GRIK1: variants seen among roughly 807,000 people sequenced by gnomAD.
GRIK1 encodes the protein glutamate ionotropic receptor kainate type subunit 1.
Under a neutral mutation model 105.7 loss-of-function variants are expected in GRIK1, and 69 were observed. The observed-to-expected ratio is 0.65, with a 90% confidence interval of 0.54 to 0.80. GRIK1 has a LOEUF of 0.80. Ranked by LOEUF, GRIK1 falls within the 30% of genes least tolerant of loss-of-function variation. The probability of loss-of-function intolerance (pLI) is 0.00; values close to 1 mark genes in which losing one functional copy is unlikely to be tolerated. For synonymous variants in GRIK1, 438 were observed against 431.3 expected (o/e 1.02, Z -0.19); for missense variants, 1,109 against 1,167.3 (o/e 0.95, Z 0.73).
intron 1 of GRIK1, among the ~76,000 whole-genome samples, chr21:29,711,540 T>A (rs1032923126): frequency 6.6e-6 from 1 of 152,068 alleles, no homozygotes; most frequent in Admixed American, 6.6e-5. Flanking sequence ...GGAATCTGTT[T>A]GTCTTTTTGA....
chr21:29,817,864 G>A (rs75628025), intron 1 of GRIK1, among the ~76,000 whole-genome samples: 4,838 of 152,106 alleles, frequency 0.032, 127 homozygotes, highest in Middle Eastern at 0.071. Context: ...GAGAAAATAC[G>A]CTTAATGCAT....
At chr21:29,616,199 G>A (rs1375992355) in intron 7 of GRIK1, among the ~76,000 whole-genome samples, 1 of 152,146 alleles carries the variant, frequency 6.6e-6, no homozygotes, top group Admixed American at 6.5e-5. Flanking sequence ...ATGGAACAAA[G>A]TCTCCTTTTT....
intron 7 of GRIK1, among the ~76,000 whole-genome samples, chr21:29,601,923 A>G (rs1254085271): frequency 9.5e-6 from 1 of 105,204 alleles, no homozygotes; most frequent in Non-Finnish European, 1.9e-5. Context: ...TTTGTTCCAA[A>G]ACAAAATTTT....
At chr21:29,568,367 C>T (rs1283270069) in intron 14 of GRIK1, among the ~76,000 whole-genome samples, 2 of 152,162 alleles carry the variant, frequency 1.3e-5, no homozygotes, top group African/African-American at 4.8e-5. Context: ...TACAATGGCT[C>T]ATTGCTTCAT....
intron 7 of GRIK1, among the ~76,000 whole-genome samples, chr21:29,607,747 T>TTGGTTTCC (rs1191010852): frequency 6.6e-6 from 1 of 152,190 alleles, no homozygotes; most frequent in African/African-American, 2.4e-5. Context: ...AGATTTGTTT[T>TTGGTTTCC]TGGTTTCCTG....
chr21:29,780,253 C>A (rs151240712), intron 1 of GRIK1, among the ~76,000 whole-genome samples: 1 of 152,302 alleles, frequency 6.6e-6, no homozygotes, highest in South Asian at 2.1e-4. Flanking sequence ...GAACCACGTT[C>A]CCCTTTTCAG....
intron 10 of GRIK1, among the ~76,000 whole-genome samples, chr21:29,589,888 G>T (rs1209571255): frequency 6.6e-6 from 1 of 151,754 alleles, no homozygotes; most frequent in African/African-American, 2.4e-5. Flanking sequence ...TTTCCTTCAG[G>T]GTAGCCTATT....
At chr21:29,574,233 C>T (rs902816463) in intron 14 of GRIK1, among the ~76,000 whole-genome samples, 19 of 152,214 alleles carry the variant, frequency 1.2e-4, no homozygotes, top group African/African-American at 3.4e-4. Flanking sequence ...AAGGGATCCA[C>T]AGCCTGTGCA....
intron 1 of GRIK1, among the ~76,000 whole-genome samples, chr21:29,750,056 C>T (rs953889526): frequency 1.3e-5 from 2 of 151,562 alleles, no homozygotes; most frequent in Non-Finnish European, 1.5e-5. Flanking sequence ...GGACAAGAAC[C>T]AACAAACTAT....
intron 1 of GRIK1, among the ~76,000 whole-genome samples, chr21:29,891,140 T>G (rs1171325621): frequency 6.6e-6 from 1 of 152,174 alleles, no homozygotes; most frequent in Non-Finnish European, 1.5e-5. Flanking sequence ...ACTAGTCATT[T>G]TTAGATCATT....
chr21:29,606,213 A>G lies in GRIK1; in HGVS notation c.1099-7276T>C, dbSNP rs79557963. Among the ~76,000 whole-genome samples, 874 of 152,288 alleles carry G rather than the reference A, an allele frequency of 5.7e-3. 8 individuals are homozygous for G. The highest frequency in any genetic ancestry group is 0.02 in the African/African-American group (840 of 41,560). The stretch of plus-strand genomic sequence containing the variant: ...TGTGGCAGAGATGTAAATGATTTCC[A>G]TCTAATAGAAAAGATAACCTGAAAA... On this transcript the variant is annotated intron_variant, in intron 7 of 17. Coordinates refer to ENST00000327783, the MANE Select transcript of GRIK1 (RefSeq NM_001330994.2).
chr21:29,537,336 T>C lies in GRIK1; in HGVS notation c.2744A>G (p.Asn915Ser), dbSNP rs1453599204. The C allele has an allele frequency of 3.1e-6, 5 of 1,611,640 alleles. No individual in the cohort carries two copies. The Admixed American group carries it at 8.4e-5, about 27-fold the overall frequency. ...IMEELGISLK[N>S]QKKIKKKSRT... ...TGACTTTTTCTTTATTTTTTTCTGA[T>C]TCTTCAGTGAGATTCCCAGTTCTTC... Residue 915 changes from asparagine to serine, a missense_variant, in exon 18 of 18, where the codon AAT becomes AGT. Physicochemically the swap from Asn to Ser is conservative, Grantham distance 46. Around this residue, in one of 5 missense-constraint regions of GRIK1, gnomAD observed 161 missense variants for 143.4 expected, o/e 1.12. Coordinates refer to ENST00000327783, the MANE Select transcript of GRIK1 (RefSeq NM_001330994.2).
intron 1 of GRIK1, among the ~76,000 whole-genome samples, chr21:29,938,624 G>C (rs1430358296): frequency 6.6e-6 from 1 of 152,176 alleles, no homozygotes; most frequent in African/African-American, 2.4e-5. Flanking sequence ...TATCTCATTC[G>C]AGATCAGAGC....
chr21:29,836,370 C>T (rs746928869), intron 1 of GRIK1, among the ~76,000 whole-genome samples: 1 of 152,166 alleles, frequency 6.6e-6, no homozygotes, highest in African/African-American at 2.4e-5. Context: ...GACAGACACA[C>T]GTCCCCTGGC....
At chr21:29,793,532 C>T (rs911080546) in intron 1 of GRIK1, among the ~76,000 whole-genome samples, 1 of 150,902 alleles carries the variant, frequency 6.6e-6, no homozygotes, top group African/African-American at 2.4e-5. Flanking sequence ...TCCTTCTCCT[C>T]CTCCTTCTCC....
chr21:29,895,938 T>C (rs2070135154), intron 1 of GRIK1, among the ~76,000 whole-genome samples: 1 of 152,210 alleles, frequency 6.6e-6, no homozygotes, highest in Non-Finnish European at 1.5e-5. Flanking sequence ...CCTCTCCTTG[T>C]TTCCTTTGCT....
At chr21:29,556,048 G>A (rs1045616669) in intron 15 of GRIK1, among the ~76,000 whole-genome samples, 2 of 152,100 alleles carry the variant, frequency 1.3e-5, no homozygotes, top group African/African-American at 2.4e-5. Context: ...GAAGACCACC[G>A]ACCTTAGACT....
At chr21:29,703,941 T>G (rs1241678312) in intron 1 of GRIK1, among the ~76,000 whole-genome samples, 1 of 152,208 alleles carries the variant, frequency 6.6e-6, no homozygotes, top group East Asian at 1.9e-4. Flanking sequence ...GAATGGCCTT[T>G]GAGGGATAAG....
intron 1 of GRIK1, among the ~76,000 whole-genome samples, chr21:29,905,147 A>G (rs977623556): frequency 6.6e-6 from 1 of 152,218 alleles, no homozygotes; most frequent in Non-Finnish European, 1.5e-5. Flanking sequence ...AGAGCAATTT[A>G]GAAACATGAT....
Sources: allele counts gnomAD v4.1 joint callset (sites outside exome capture counted in the v4.1 genomes callset), GRCh38; gene constraint gnomAD v4.1.1; regional missense constraint gnomAD v4.1.1; transcripts MANE v1.5; gene names NCBI Gene and HGNC (gene_info 2026-07-23, HGNC 2026-07-21).